TADA2A: variants seen among roughly 807,000 people sequenced by gnomAD.
The protein encoded by TADA2A is transcriptional adaptor 2A, also known as transcriptional adapter 2-alpha.
TADA2A carries 38 observed loss-of-function variants against 67.4 expected under a neutral mutation model. The observed-to-expected ratio is 0.56, with a 90% CI of 0.44 to 0.74. The LOEUF is 0.74. Ranked by LOEUF, TADA2A falls within the 30% of genes least tolerant of loss-of-function variation. TADA2A has a pLI of 0.00. For missense variants in TADA2A, 454 were observed against 547.0 expected (o/e 0.83, Z 1.70); for synonymous variants, 192 against 181.6 (o/e 1.06, Z -0.46).
At chr17:37,424,881 C>T (rs2052357777) in intron 3 of TADA2A, among the ~76,000 whole-genome samples, 2 of 148,510 alleles carry the variant, frequency 1.3e-5, no homozygotes, top group African/African-American at 2.5e-5. Context: ...TTCTTTTCCA[C>T]GACAGAGTCT....
intron 8 of TADA2A, among the ~76,000 whole-genome samples, chr17:37,445,308 C>T (rs2053044409): frequency 6.6e-6 from 1 of 152,228 alleles, no homozygotes; most frequent in Admixed American, 6.5e-5. Context: ...CTCTGTTACA[C>T]AGGCTGGAGT....
chr17:37,420,014 C>CAA lies in TADA2A; in HGVS notation c.26-3485_26-3484dup, dbSNP rs71135722. Among the ~76,000 whole-genome samples the CAA allele has an allele frequency of 2.7e-4, 36 of 134,602 alleles. 1 individual carries two copies. Among genetic ancestry groups the CAA allele is most frequent in the Admixed American group, 5.2e-4 (7 of 13,352 alleles). The allele number at this position is 134,602 out of a possible 152,430, so 88.3% of individuals were successfully genotyped here. On this transcript the variant is annotated intron_variant, in intron 2 of 15. Coordinates refer to ENST00000615182, the MANE Select transcript of TADA2A (RefSeq NM_001166105.3). ...TGGGCGACAGAGCAAGACTCCGTCT[C>CAA]AAAAAAAAAAACTACTTTGCTCAGT...
intron 4 of TADA2A, among the ~76,000 whole-genome samples, chr17:37,435,045 G>A (rs1455333763): frequency 2.0e-5 from 3 of 152,074 alleles, no homozygotes; most frequent in East Asian, 1.9e-4. Flanking sequence ...TCGGGAGTTC[G>A]AGACCAGCCT....
chr17:37,445,237 A>G (rs1161214400), intron 8 of TADA2A, among the ~76,000 whole-genome samples: 1 of 152,138 alleles, frequency 6.6e-6, no homozygotes, highest in Non-Finnish European at 1.5e-5. Flanking sequence ...GTTTCTCAGG[A>G]CTGTTGAATT....
chr17:37,449,122 G>A (rs1384636055), intron 8 of TADA2A, among the ~76,000 whole-genome samples: 1 of 151,898 alleles, frequency 6.6e-6, no homozygotes. Flanking sequence ...CTGGGTTCAC[G>A]CCATTCTCCT....
chr17:37,471,905 G>A (rs73289982), intron 14 of TADA2A, among the ~76,000 whole-genome samples: 8,951 of 152,054 alleles, frequency 0.059, 834 homozygotes, highest in African/African-American at 0.2. Flanking sequence ...CTATTTCTTC[G>A]TTTTACCTCT....
intron 11 of TADA2A, among the ~76,000 whole-genome samples, chr17:37,466,488 G>C (rs1211068348): frequency 1.3e-5 from 2 of 152,166 alleles, no homozygotes; most frequent in East Asian, 3.8e-4. Context: ...GGCTTGTTCT[G>C]TACCTTTCAT....
intron 5 of TADA2A, among the ~76,000 whole-genome samples, chr17:37,440,252 T>C (rs2052872759): frequency 6.6e-6 from 1 of 152,090 alleles, no homozygotes; most frequent in Non-Finnish European, 1.5e-5. Flanking sequence ...CAGTCATCTT[T>C]CTTTAAGTGG....
In TADA2A at chr17:37,411,658, G is replaced by T. The variant is rs1010144233; in HGVS notation, c.25+268G>T. Among the ~76,000 whole-genome samples, 3 of 151,832 alleles carry T rather than the reference G, an allele frequency of 2.0e-5. No homozygotes were observed. In the South Asian group the frequency reaches 6.3e-4, roughly 32 times the overall value. ...TTGGCCAGACTGGTCTTGAACTCCC[G>T]ACCTCAGGTGATCCACCCACCTCGG... is the stretch of plus-strand genomic sequence containing the variant. On this transcript the variant is annotated intron_variant, in intron 2 of 15. Transcript: ENST00000615182.
At chr17:37,441,956 G>A (rs1457784462) in intron 6 of TADA2A, among the ~76,000 whole-genome samples, 3 of 152,126 alleles carry the variant, frequency 2.0e-5, no homozygotes, top group South Asian at 4.1e-4. Flanking sequence ...GTGAGCCACC[G>A]TGCCTGGTTG....
At chr17:37,453,619 T>C (rs2053291387) in intron 8 of TADA2A, among the ~76,000 whole-genome samples, 1 of 152,198 alleles carries the variant, frequency 6.6e-6, no homozygotes, top group African/African-American at 2.4e-5. Context: ...GTTGACTTAT[T>C]GCCCTCATGG....
In TADA2A at chr17:37,436,060, CT is replaced by C. The variant is rs111294896; in HGVS notation, c.193-1668del. On this transcript the variant is annotated intron_variant, in intron 4 of 15. Coordinates refer to ENST00000615182, the MANE Select transcript of TADA2A (RefSeq NM_001166105.3). ...AACCTCACAGATCTTACAGCTATAT[CT>C]TTTTTTTTTCCCAAGCCAAAAATTA... is the stretch of plus-strand genomic sequence containing the variant. Among the ~76,000 whole-genome samples, 27 of 149,792 alleles carry C rather than the reference CT, an allele frequency of 1.8e-4. No homozygotes were observed. In the South Asian group the frequency reaches 3.0e-3, roughly 16 times the overall value.
At chr17:37,407,256 A>T (rs1227486661) in intron 1 of TADA2A, 1 of 152,390 alleles carries the variant, frequency 6.6e-6, no homozygotes, top group Non-Finnish European at 1.5e-5. Flanking sequence ...GCGTAGCTCT[A>T]CCAAGAATGG....
chr17:37,432,342 T>C (rs901207933), intron 4 of TADA2A, among the ~76,000 whole-genome samples: 3 of 151,128 alleles, frequency 2.0e-5, no homozygotes, highest in African/African-American at 7.3e-5. Flanking sequence ...TAATTTTGTA[T>C]TTTTAGTAGA....
chr17:37,475,503 C>T (rs191916538), intron 15 of TADA2A, among the ~76,000 whole-genome samples: 11 of 146,528 alleles, frequency 7.5e-5, no homozygotes, highest in South Asian at 2.2e-4. Context: ...TTGAAAGTCT[C>T]GCTCTGTTAC....
chr17:37,442,491 C>G, intron 6 of TADA2A, 73 bp from the exon 7 acceptor site: 2 of 1,116,512 alleles, frequency 1.8e-6, no homozygotes, highest in East Asian at 2.5e-5. Context: ...TTTATTTATT[C>G]TTGGACTATT....
rs1020173351 is a variant in TADA2A at position 37,473,127 on chromosome 17, ATTTTTTTTTT to A, written c.1073-1413_1073-1404del. Among the ~76,000 whole-genome samples the A allele has an allele frequency of 1.3e-4, 11 of 85,690 alleles. No individual in the cohort carries two copies. The South Asian group carries it at 2.8e-3, about 22-fold the overall frequency. The allele number at this position is 85,690 out of a possible 152,430, so 56.2% of individuals were successfully genotyped here. The stretch of plus-strand genomic sequence containing the variant: ...GGTGAATGCCACCAAACCTGGAGAA[ATTTTTTTTTT>A]TTTTTTTTTTTTTTTGGTAGAAACA... On this transcript the variant is annotated intron_variant, in intron 14 of 15. Coordinates refer to ENST00000615182, the MANE Select transcript of TADA2A (RefSeq NM_001166105.3).
chr17:37,410,332 C>G (rs1029402332), intron 1 of TADA2A, among the ~76,000 whole-genome samples: 6 of 142,272 alleles, frequency 4.2e-5, no homozygotes, highest in Admixed American at 2.2e-4. Flanking sequence ...GCCACTGTAC[C>G]CGGCTAACTT....
chr17:37,424,767 G>A (rs1206024976), intron 3 of TADA2A, among the ~76,000 whole-genome samples: 1 of 152,184 alleles, frequency 6.6e-6, no homozygotes. Flanking sequence ...CGTTGGTCAG[G>A]CTGGTCTTGA....
Sources: allele counts gnomAD v4.1 joint callset (sites outside exome capture counted in the v4.1 genomes callset), GRCh38; gene constraint gnomAD v4.1.1; transcripts MANE v1.5; gene names NCBI Gene and HGNC (gene_info 2026-07-23, HGNC 2026-07-21).